Variants in FAM168A observed in about 807,000 individuals in gnomAD.
FAM168A encodes the protein family with sequence similarity 168 member A, also known as protein FAM168A.
FAM168A carries 3 observed loss-of-function variants against 28.5 expected under a neutral mutation model. The ratio of observed to expected loss-of-function variants is 0.11; its 90% CI spans 0.05 to 0.27. The LOEUF is 0.27. Among genes scored for constraint, FAM168A ranks in the 10% least tolerant of loss-of-function variants. FAM168A has a pLI of 1.00. For synonymous variants in FAM168A, 122 were observed against 124.2 expected, an observed-to-expected ratio of 0.98 and a Z score of 0.12; for missense variants, 222 against 311.5, an observed-to-expected ratio of 0.71 and a Z score of 2.16.
At chr11:73,576,598 G>C (rs1391309350) in intron 1 of FAM168A, among the ~76,000 whole-genome samples, 1 of 152,078 alleles carries the variant, frequency 6.6e-6, no homozygotes, top group Non-Finnish European at 1.5e-5. Flanking sequence ...GAGTGTACAG[G>C]CTCTGGAAAT....
intron 1 of FAM168A, among the ~76,000 whole-genome samples, chr11:73,493,931 A>C (rs1854812521): frequency 6.6e-6 from 1 of 152,212 alleles, no homozygotes; most frequent in African/African-American, 2.4e-5. Flanking sequence ...TATCCCAAAA[A>C]TACATGGTGA....
At chr11:73,525,129 C>G (rs1393551054) in intron 1 of FAM168A, among the ~76,000 whole-genome samples, 1 of 151,574 alleles carries the variant, frequency 6.6e-6, no homozygotes, top group East Asian at 1.9e-4. Context: ...GGGTAGGGTT[C>G]CTTCTATATG....
intron 1 of FAM168A, among the ~76,000 whole-genome samples, chr11:73,541,462 T>A (rs1769597783): frequency 6.6e-6 from 1 of 151,166 alleles, no homozygotes; most frequent in Admixed American, 6.6e-5. Context: ...AAGCTCCTCC[T>A]CCCGGGTTCA....
Position 73,402,409 on chromosome 11 carries a change from G to T in FAM168A, c.*4354C>A, listed in dbSNP as rs1866428673. On this transcript the variant is annotated 3_prime_UTR_variant, in exon 8 of 8. Transcript: ENST00000356467. Reference sequence around the variant, plus strand: ...GGAGCCAAAACTTGGTGACCAAGGGGCCTGTCCTTTTATACTTCATGTGAT... The same window carrying T: ...GGAGCCAAAACTTGGTGACCAAGGGTCCTGTCCTTTTATACTTCATGTGAT... 1 of 152,200 alleles carries T rather than the reference G, an allele frequency of 6.6e-6. No individual in the cohort carries two copies. The highest frequency in any genetic ancestry group is 2.4e-5 in the African/African-American group (1 of 41,448). The allele number at this position is 152,200 out of a possible 1,614,324, so 9.4% of individuals were successfully genotyped here.
At chr11:73,485,343 G>A (rs1868039214) in intron 1 of FAM168A, among the ~76,000 whole-genome samples, 1 of 152,122 alleles carries the variant, frequency 6.6e-6, no homozygotes, top group African/African-American at 2.4e-5. Flanking sequence ...CTGCCATCAG[G>A]TTTATTGTGG....
chr11:73,583,614 A>G (rs1944275022), intron 1 of FAM168A, among the ~76,000 whole-genome samples: 1 of 152,250 alleles, frequency 6.6e-6, no homozygotes, highest in South Asian at 2.1e-4. Flanking sequence ...GGAAAAGGTT[A>G]TCTCCTAGGC....
chr11:73,580,499 GA>G, intron 1 of FAM168A: 1 of 614,426 alleles, frequency 1.6e-6, no homozygotes, highest in Admixed American at 1.8e-5. Flanking sequence ...ACAGAAAGCT[GA>G]AGGTGCTGGA....
intron 1 of FAM168A, among the ~76,000 whole-genome samples, chr11:73,597,255 C>G (rs541190110): frequency 8.2e-4 from 125 of 152,168 alleles, no homozygotes; most frequent in Middle Eastern, 3.4e-3. Flanking sequence ...AAATTGCACT[C>G]TTCTGCTCTA....
intron 1 of FAM168A, among the ~76,000 whole-genome samples, chr11:73,481,354 C>G (rs1317309972): frequency 6.6e-6 from 1 of 152,208 alleles, no homozygotes; most frequent in Non-Finnish European, 1.5e-5. Context: ...TTGTCTTGAT[C>G]AGACTTTCAT....
At chr11:73,501,559 T>C (rs1024549054) in intron 1 of FAM168A, among the ~76,000 whole-genome samples, 17 of 152,284 alleles carry the variant, frequency 1.1e-4, no homozygotes, top group East Asian at 1.9e-4. Flanking sequence ...CACAATTTCA[T>C]GGAAATTGAA....
At chr11:73,431,626 C>T (rs1161968509) in intron 2 of FAM168A, among the ~76,000 whole-genome samples, 1 of 152,126 alleles carries the variant, frequency 6.6e-6, no homozygotes, top group Non-Finnish European at 1.5e-5. Context: ...CCACTATGAC[C>T]AATTTGATGC....
chr11:73,464,208 C>T (rs569682055), intron 2 of FAM168A, among the ~76,000 whole-genome samples: 3 of 147,016 alleles, frequency 2.0e-5, no homozygotes, highest in South Asian at 2.1e-4. Context: ...AAAACACATA[C>T]GAAGGGAAAA....
intron 1 of FAM168A, among the ~76,000 whole-genome samples, chr11:73,498,851 A>G (rs2134620483): frequency 6.6e-6 from 1 of 152,186 alleles, no homozygotes; most frequent in East Asian, 1.9e-4. Flanking sequence ...AGGCTCAGGG[A>G]TGGAATTTGG....
chr11:73,567,638 A>C (rs1393155450), intron 1 of FAM168A, among the ~76,000 whole-genome samples: 2 of 152,206 alleles, frequency 1.3e-5, no homozygotes, highest in East Asian at 3.8e-4. Flanking sequence ...TGGAAACTAC[A>C]TTTCCAAATG....
chr11:73,469,467 A>G (rs1207688465), intron 1 of FAM168A, among the ~76,000 whole-genome samples: 2 of 152,238 alleles, frequency 1.3e-5, no homozygotes. Context: ...CAAATGTTGA[A>G]GGCAGGCAGT....
intron 1 of FAM168A, among the ~76,000 whole-genome samples, chr11:73,484,566 A>ATATCGATATC (rs1868018238): frequency 4.8e-5 from 7 of 146,110 alleles, no homozygotes; most frequent in Admixed American, 1.4e-4. Context: ...ATATATCTAT[A>ATATCGATATC]TATCTATATA....
intron 2 of FAM168A, among the ~76,000 whole-genome samples, chr11:73,467,709 C>A (rs560658721): frequency 2.0e-5 from 3 of 152,294 alleles, no homozygotes; most frequent in South Asian, 4.1e-4. Flanking sequence ...CAGTTCAGTT[C>A]CCTCTGGCAG....
At chr11:73,460,894 T>C (rs1277273382) in intron 2 of FAM168A, among the ~76,000 whole-genome samples, 1 of 152,122 alleles carries the variant, frequency 6.6e-6, no homozygotes, top group Non-Finnish European at 1.5e-5. Flanking sequence ...GATAAGAGAG[T>C]TACCTTGTTT....
intron 4 of FAM168A, among the ~76,000 whole-genome samples, chr11:73,418,223 T>G (rs1866729222): frequency 6.6e-6 from 1 of 152,202 alleles, no homozygotes; most frequent in Non-Finnish European, 1.5e-5. Flanking sequence ...AAATGTAACC[T>G]CCAGTGTTGG....
Sources: allele counts gnomAD v4.1 joint callset (sites outside exome capture counted in the v4.1 genomes callset), GRCh38; gene constraint gnomAD v4.1.1; transcripts MANE v1.5; gene names NCBI Gene and HGNC (gene_info 2026-07-23, HGNC 2026-07-21).